STK24: variants seen among roughly 807,000 people sequenced by gnomAD.
STK24 encodes serine/threonine kinase 24.
In STK24, 21 loss-of-function variants were observed where a neutral mutation model predicts 55.6. The observed-to-expected ratio is 0.38, with a 90% CI of 0.27 to 0.54. The LOEUF (loss-of-function observed/expected upper bound fraction) is 0.54, where lower values mean the gene tolerates loss of function less well. Among genes scored for constraint, STK24 ranks in the 20% least tolerant of loss-of-function variants. STK24 has a pLI of 0.79. For synonymous variants in STK24, 200 were observed against 215.2 expected (o/e 0.93, Z 0.62); for missense variants, 383 against 538.4 (o/e 0.71, Z 2.86).
At chr13:98,527,714 G>A (rs1896472544) in intron 1 of STK24, among the ~76,000 whole-genome samples, 1 of 152,190 alleles carries the variant, frequency 6.6e-6, no homozygotes, top group Non-Finnish European at 1.5e-5. Context: ...ACCAGGACCG[G>A]GTGAGCCACA....
intron 2 of STK24, among the ~76,000 whole-genome samples, chr13:98,498,540 G>A (rs1228448717): frequency 6.6e-6 from 1 of 152,204 alleles, no homozygotes; most frequent in African/African-American, 2.4e-5. Context: ...GGAAAGAATG[G>A]GATCCTGTAA....
intron 1 of STK24, among the ~76,000 whole-genome samples, chr13:98,536,538 T>C (rs1896740627): frequency 1.3e-5 from 2 of 151,904 alleles, no homozygotes; most frequent in South Asian, 2.1e-4. Flanking sequence ...CTGACTGTTA[T>C]TTTACTTTTT....
intron 2 of STK24, among the ~76,000 whole-genome samples, chr13:98,503,867 G>A (rs966223344): frequency 1.3e-5 from 2 of 152,178 alleles, no homozygotes; most frequent in Admixed American, 6.5e-5. Context: ...GACTCCCACT[G>A]ACCACAGCAA....
At chr13:98,475,761 G>A (rs948693398) in intron 3 of STK24, among the ~76,000 whole-genome samples, 23 of 152,274 alleles carry the variant, frequency 1.5e-4, no homozygotes, top group African/African-American at 5.1e-4. Flanking sequence ...TGGCAGGGGC[G>A]GGGTACAGGC....
intron 2 of STK24, among the ~76,000 whole-genome samples, chr13:98,517,545 G>A (rs756689532): frequency 6.6e-6 from 1 of 152,068 alleles, no homozygotes; most frequent in Non-Finnish European, 1.5e-5. Flanking sequence ...CAGGAAAATC[G>A]CTTGAACCCG....
intron 2 of STK24, among the ~76,000 whole-genome samples, chr13:98,508,577 T>C (rs1299256666): frequency 9.2e-5 from 14 of 152,144 alleles, no homozygotes; most frequent in Admixed American, 9.2e-4. Context: ...TCTTTCTTGG[T>C]AAACTTATTG....
chr13:98,448,038 G>A lies in STK24; in HGVS notation c.*5135C>T. 1 of 602,302 alleles carries A rather than the reference G, an allele frequency of 1.7e-6. No individual in the cohort carries two copies. The highest frequency in any genetic ancestry group is 2.0e-5 in the South Asian group (1 of 51,022). The allele number at this position is 602,302 out of a possible 1,614,324, so 37.3% of individuals were successfully genotyped here. ...CAAGGTACTTCCAGCTCCACACTGA[G>A]TGAGTGCCCAGGCCAGTGGGTCTCC... is the stretch of plus-strand genomic sequence containing the variant. On this transcript the variant is annotated 3_prime_UTR_variant, in exon 11 of 11. Coordinates refer to ENST00000539966, the MANE Select transcript of STK24 (RefSeq NM_001032296.4).
chr13:98,463,335 T>C (rs1482736003), intron 7 of STK24, among the ~76,000 whole-genome samples: 1 of 152,218 alleles, frequency 6.6e-6, no homozygotes, highest in African/African-American at 2.4e-5. Context: ...CATGCATTTC[T>C]GGCCTTTCAG....
chr13:98,510,759 G>A (rs1895853118), intron 2 of STK24, among the ~76,000 whole-genome samples: 1 of 152,208 alleles, frequency 6.6e-6, no homozygotes, highest in Non-Finnish European at 1.5e-5. Context: ...GGGAAGAAAT[G>A]GGAAGTGAAT....
chr13:98,479,033 CCT>C (rs755360987), intron 3 of STK24, among the ~76,000 whole-genome samples: 1 of 152,146 alleles, frequency 6.6e-6, no homozygotes, highest in Non-Finnish European at 1.5e-5. Context: ...CAGAGCAGCC[CCT>C]GACACGCGGG....
At position 98,460,369 on chromosome 13, in the gene STK24, T is replaced by C; in HGVS notation, c.1122+3A>G. ...ACTCCGAAAAGGCCAGCCAGGTACC[T>C]ACCTCTGCAAACAGAGGAGAAATAA... On this transcript the variant is annotated splice_donor_region_variant and intron_variant, in intron 9 of 10. Transcript: ENST00000539966. 1 of 1,612,486 alleles carries C rather than the reference T, an allele frequency of 6.2e-7. No individual in the cohort carries two copies. The highest frequency in any genetic ancestry group is 8.5e-7 in the Non-Finnish European group (1 of 1,179,018).
At chr13:98,513,742 T>A (rs76710668) in intron 2 of STK24, among the ~76,000 whole-genome samples, 18 of 152,302 alleles carry the variant, frequency 1.2e-4, no homozygotes, top group African/African-American at 3.9e-4. Flanking sequence ...ATTTTCACCA[T>A]CTCAATGAAA....
intron 2 of STK24, among the ~76,000 whole-genome samples, chr13:98,497,044 T>C (rs532668216): frequency 7.9e-5 from 12 of 152,222 alleles, no homozygotes; most frequent in Admixed American, 7.2e-4. Context: ...AAGAAACCCA[T>C]TTCCGATTCT....
intron 7 of STK24, among the ~76,000 whole-genome samples, 164 bp from the exon 8 acceptor site, chr13:98,462,061 A>G (rs577665227): frequency 6.7e-6 from 1 of 148,248 alleles, no homozygotes; most frequent in Non-Finnish European, 1.5e-5. Flanking sequence ...TTTCCCAAAG[A>G]CCCCCCCGCC....
intron 3 of STK24, among the ~76,000 whole-genome samples, chr13:98,475,650 G>A (rs1471934658): frequency 3.9e-5 from 6 of 152,182 alleles, no homozygotes; most frequent in African/African-American, 7.2e-5. Context: ...ACCACAGGGC[G>A]ACCCCCTGGC....
At chr13:98,542,844 C>T in intron 1 of STK24, 2 of 979,964 alleles carry the variant, frequency 2.0e-6, no homozygotes, top group Non-Finnish European at 2.4e-6. Flanking sequence ...AACGCTTACC[C>T]TGTATGTCCG....
At chr13:98,478,298 C>G (rs1302218880) in intron 3 of STK24, among the ~76,000 whole-genome samples, 1 of 152,238 alleles carries the variant, frequency 6.6e-6, no homozygotes, top group Non-Finnish European at 1.5e-5. Context: ...TCCCCTGCTT[C>G]GAAGCTCTGT....
rs562611548 is a variant in STK24, at chr13:98,472,266, C to A, written c.597+2555G>T. ...CCTCATCGGCCCTCACCACACGCCT[C>A]CCGGGTCCACAAACCTGGAAAGTCA... On this transcript the variant is annotated intron_variant, in intron 5 of 10. Coordinates refer to ENST00000539966, the MANE Select transcript of STK24 (RefSeq NM_001032296.4). 1.2e-4 allele frequency among the ~76,000 whole-genome samples: 19 copies of A among 152,334 alleles called. No homozygotes were observed. In the East Asian group the frequency reaches 3.7e-3, roughly 29 times the overall value.
At chr13:98,511,231 A>G (rs1436801847) in intron 2 of STK24, among the ~76,000 whole-genome samples, 1 of 152,252 alleles carries the variant, frequency 6.6e-6, no homozygotes, top group Non-Finnish European at 1.5e-5. Flanking sequence ...TACTGACGGG[A>G]AATAGTAAGC....
Sources: gnomAD v4.1 joint callset for allele counts (sites outside exome capture counted in the v4.1 genomes callset) on GRCh38, gnomAD v4.1.1 for gene constraint, MANE v1.5 for transcripts, NCBI Gene and HGNC (gene_info 2026-07-23, HGNC 2026-07-21) for gene names.